Variants in ZNF43 observed in about 807,000 individuals in gnomAD.
ZNF43 encodes the protein zinc finger protein 39-like 1 (KOX 27).
A neutral mutation model predicts 68.4 loss-of-function variants in ZNF43; 44 were observed. That is an observed-to-expected ratio of 0.64 (90% CI 0.51 to 0.83). The LOEUF (loss-of-function observed/expected upper bound fraction) is 0.83. ZNF43 is among the 40% of genes least tolerant of loss of function. The probability of loss-of-function intolerance (pLI) is 0.00; values close to 1 mark genes in which losing one functional copy is unlikely to be tolerated. For missense variants in ZNF43, 896 were observed against 933.2 expected (o/e 0.96, Z 0.52); for synonymous variants, 308 against 307.8 (o/e 1.00, Z -0.01).
chr19:21,845,981 T>C (rs1441973566), intron 1 of ZNF43, among the ~76,000 whole-genome samples: 1 of 151,924 alleles, frequency 6.6e-6, no homozygotes, highest in African/African-American at 2.4e-5. Context: ...AAATCTTTTT[T>C]TGTTCAGAGT....
At chr19:21,849,189 T>G (rs1968162101) in intron 1 of ZNF43, among the ~76,000 whole-genome samples, 2 of 152,094 alleles carry the variant, frequency 1.3e-5, no homozygotes, top group African/African-American at 4.8e-5. Flanking sequence ...TATATAGTAT[T>G]CAAAACAGTG....
intron 1 of ZNF43, among the ~76,000 whole-genome samples, chr19:21,824,426 G>C (rs1022437442): frequency 6.6e-6 from 1 of 152,054 alleles, no homozygotes; most frequent in Non-Finnish European, 1.5e-5. Flanking sequence ...AGCCTCTCAC[G>C]TAAGTGTTAG....
chr19:21,831,971 C>T (rs1270677818), intron 1 of ZNF43, among the ~76,000 whole-genome samples: 3 of 152,152 alleles, frequency 2.0e-5, no homozygotes, highest in African/African-American at 7.2e-5. Flanking sequence ...AAGAAATGTA[C>T]AGACTTAATT....
At chr19:21,820,968 G>C (rs2037811184) in intron 1 of ZNF43, among the ~76,000 whole-genome samples, 1 of 151,126 alleles carries the variant, frequency 6.6e-6, no homozygotes, top group African/African-American at 2.4e-5. Flanking sequence ...TGAGTAGCTA[G>C]GATTACAGGC....
chr19:21,816,774 T>A (rs1298831374), intron 3 of ZNF43, among the ~76,000 whole-genome samples: 1 of 152,120 alleles, frequency 6.6e-6, no homozygotes, highest in Admixed American at 6.6e-5. Context: ...CACAACCTGA[T>A]ATAAAGCCCA....
chr19:21,807,856 A>T lies in ZNF43; in HGVS notation c.2181T>A (p.Ile727=). Residue 727 remains isoleucine (I), a synonymous_variant, in exon 4 of 4, where the codon ATT becomes ATA. Transcript: ENST00000354959. ...ATTTGTAGGGTTGCTCTCCAGTATG[A>T]ATTTTCTTATGTTCAATAAGGTTTG... ...RSSNLIEHKK[I]HTGEQPYKCE... 1 of 1,613,302 alleles carries T rather than the reference A, an allele frequency of 6.2e-7. No individual in the cohort carries two copies. Among genetic ancestry groups the T allele is most frequent in the East Asian group, 2.2e-5 (1 of 44,818 alleles).
intron 3 of ZNF43, among the ~76,000 whole-genome samples, chr19:21,814,760 T>A (rs2037439161): frequency 6.6e-6 from 1 of 152,052 alleles, no homozygotes; most frequent in Non-Finnish European, 1.5e-5. Flanking sequence ...CATACAGAAT[T>A]GAAAATTGTC....
Position 21,807,444 on chromosome 19 carries a change from T to G in ZNF43, c.*163A>C. ...TACCTTTTTCCAAGTAAAAATTCTT[T>G]CCTGTGCAATAAGGTACGAGCATTA... On this transcript the variant is annotated 3_prime_UTR_variant, in exon 4 of 4. Coordinates refer to ENST00000354959, the MANE Select transcript of ZNF43 (RefSeq NM_003423.4). The G allele has an allele frequency of 1.5e-6, 1 of 650,376 alleles. No homozygotes were observed. Among genetic ancestry groups the G allele is most frequent in the Non-Finnish European group, 2.4e-6 (1 of 415,328 alleles). 40.3% of individuals were successfully genotyped at this position (650,376 alleles called of 1,614,324 possible).
At position 21,817,978 on chromosome 19, in the gene ZNF43, C is replaced by A; in HGVS notation, c.139G>T (p.Val47Phe). 6.2e-7 allele frequency: 1 copy of A among 1,612,206 alleles called. No homozygotes were observed. Among genetic ancestry groups the A allele is most frequent in the Non-Finnish European group, 8.5e-7 (1 of 1,179,046 alleles). The change falls in exon 3 of 4, where the codon GTC (valine) becomes TTC (phenylalanine). Residue 47 changes from valine (V) to phenylalanine (F), a missense_variant. Val to Phe is a conservative substitution (Grantham distance 50). Transcript: ENST00000354959. The part of the protein sequence containing the change: ...YRNLVFLGIA[V>F]SKPDLITCLE... ...CAGGTGATCAGGTCTGGCTTAGAGA[C>A]AGCAATACCTGTTTCAATAAAAAAT...
chr19:21,821,236 C>T (rs548986565), intron 1 of ZNF43, among the ~76,000 whole-genome samples: 3 of 151,462 alleles, frequency 2.0e-5, no homozygotes, highest in African/African-American at 7.3e-5. Flanking sequence ...AGCTCCTCCT[C>T]CTGGGTTCAT....
At chr19:21,835,275 A>G (rs959162817) in intron 1 of ZNF43, among the ~76,000 whole-genome samples, 3 of 150,936 alleles carry the variant, frequency 2.0e-5, no homozygotes, top group Non-Finnish European at 4.4e-5. Flanking sequence ...AAGAAAAAAA[A>G]GAAAAAATAG....
rs913791941 is a variant in ZNF43, at chr19:21,850,554, T to G, written c.30+1351A>C. On this transcript the variant is annotated intron_variant, in intron 1 of 3. Transcript: ENST00000357491. ...CAGCCTGGGAGACAAGGCGATTCTC[T>G]GTCTCAAACAAACAAAAAAAGAAAA... Among the ~76,000 whole-genome samples, 4 of 149,246 alleles carry G rather than the reference T, an allele frequency of 2.7e-5. No individual in the cohort carries two copies. In the East Asian group the frequency reaches 8.1e-4, roughly 30 times the overall value.
chr19:21,840,950 G>C (rs536826795), upstream of ZNF43: 17 of 152,254 alleles, frequency 1.1e-4, 1 homozygote, highest in East Asian at 3.3e-3. Flanking sequence ...CTTAACTGTT[G>C]TCACATGATT....
At chr19:21,835,964 G>GCT (rs2038704678) in intron 1 of ZNF43, 72 bp downstream of exon 1, 1 of 1,609,240 alleles carries the variant, frequency 6.2e-7, no homozygotes, top group South Asian at 1.1e-5. Context: ...AGATTGTGGA[G>GCT]CTGACTGCGG....
intron 1 of ZNF43, among the ~76,000 whole-genome samples, chr19:21,823,377 A>G (rs1449148400): frequency 6.6e-6 from 1 of 152,190 alleles, no homozygotes; most frequent in Non-Finnish European, 1.5e-5. Flanking sequence ...CATCTTACAC[A>G]AGATGAGAAA....
rs112486130 is a variant in ZNF43 at position 21,832,868 on chromosome 19, G to GAA, written c.3+3166_3+3167dup. Among the ~76,000 whole-genome samples the GAA allele has an allele frequency of 1.6e-4, 23 of 147,046 alleles. 1 individual carries two copies. Among genetic ancestry groups the GAA allele is most frequent in the African/African-American group, 5.7e-4 (23 of 40,390 alleles). ...AACAGAGTGAGACTCCATGTCAATT[G>GAA]AAAAAAAAAAATTATGTGGTAAACA... On this transcript the variant is annotated intron_variant, in intron 1 of 3. Transcript: ENST00000354959.
intron 1 of ZNF43, among the ~76,000 whole-genome samples, chr19:21,847,204 A>G (rs1968013503): frequency 6.6e-6 from 1 of 152,126 alleles, no homozygotes; most frequent in Non-Finnish European, 1.5e-5. Flanking sequence ...AGAAGAGGAG[A>G]GTCACATCTC....
At chr19:21,843,700 A>G (rs1355933539) in intron 1 of ZNF43, among the ~76,000 whole-genome samples, 1 of 152,124 alleles carries the variant, frequency 6.6e-6, no homozygotes, top group East Asian at 1.9e-4. Flanking sequence ...GAGGCAGGAG[A>G]ATCACTTGAA....
At chr19:21,834,353 A>T (rs1053594253) in intron 1 of ZNF43, among the ~76,000 whole-genome samples, 1 of 145,862 alleles carries the variant, frequency 6.9e-6, no homozygotes, top group African/African-American at 2.5e-5. Context: ...AAAAAAAAAA[A>T]GTAAAGAAAA....
Sources: gnomAD v4.1 joint callset for allele counts (sites outside exome capture counted in the v4.1 genomes callset) on GRCh38, gnomAD v4.1.1 for gene constraint, MANE v1.5 for transcripts, NCBI Gene and HGNC (gene_info 2026-07-23, HGNC 2026-07-21) for gene names.